The following FLG variants were observed in gnomAD, a reference collection of about 807,000 sequenced individuals.
FLG encodes filaggrin, also known as epidermal filaggrin.
FLG carries 6 observed loss-of-function variants against 3.8 expected under a neutral mutation model. The ratio of observed to expected loss-of-function variants is 1.60; its 90% confidence interval spans 0.87 to 3.15. The LOEUF (loss-of-function observed/expected upper bound fraction) is 3.15. FLG is among the 30% of genes most tolerant of loss of function. The pLI, the probability that FLG is intolerant of heterozygous loss-of-function variation, is 0.00. For synonymous variants in FLG, 2,551 were observed against 1,931.6 expected, an observed-to-expected ratio of 1.32 and a Z score of -8.41; for missense variants, 7,595 against 5,050.9, an observed-to-expected ratio of 1.50 and a Z score of -15.27.
rs774923020 is a variant in FLG at position 152,311,977 on chromosome 1, T to C, written c.2909A>G (p.His970Arg). 3 of 1,614,072 alleles carry C rather than the reference T, an allele frequency of 1.9e-6. No individual in the cohort carries two copies. The highest frequency in any genetic ancestry group is 1.7e-6 in the Non-Finnish European group (2 of 1,180,000). Residue 970 changes from histidine to arginine, a missense_variant, in exon 3 of 3, where the codon CAT becomes CGT. Transcript: ENST00000368799. ...TGACTGCTCCTGAGCAGATCCACGA[T>C]GGTTTCTGGAAGCAGACCCAGACCA... is the stretch of plus-strand genomic sequence containing the variant. ...ERWSGSASRN[H>R]RGSAQEQSRH...
chr1:152,308,210 C>G lies in FLG; in HGVS notation c.6676G>C (p.Gly2226Arg), dbSNP rs1652116582. 6.2e-7 allele frequency: 1 copy of G among 1,613,976 alleles called. No homozygotes were observed. The highest frequency in any genetic ancestry group is 1.3e-5 in the African/African-American group (1 of 74,980). ...CTGGGCCCTGATGATTGTCCCTGGC[C>G]CACCAGTGAGTGTCTAGAGCTGTCG... ...WADSSRHSLV[G>R]QGQSSGPRTS... Residue 2226 changes from glycine to arginine, a missense_variant, in exon 3 of 3, where the codon GGC (glycine) becomes CGC (arginine). Physicochemically the swap from Gly to Arg is moderately radical, Grantham distance 125. Coordinates refer to ENST00000368799, the MANE Select transcript of FLG (RefSeq NM_002016.2).
chr1:152,312,012 G>C lies in FLG; in HGVS notation c.2874C>G (p.Asp958Glu). The change falls in exon 3 of 3, where the codon GAC (aspartate) becomes GAG (glutamate). Residue 958 changes from aspartate (D) to glutamate (E), a missense_variant. Coordinates refer to ENST00000368799, the MANE Select transcript of FLG (RefSeq NM_002016.2). ...QDSDSEGHSE[D>E]SERWSGSASR... ...AAGCAGACCCAGACCACCTCTCAGAGTCTTCTGAATGTCCCTCACTGTCAC... is the reference window on the plus strand; with the variant it reads ...AAGCAGACCCAGACCACCTCTCAGACTCTTCTGAATGTCCCTCACTGTCAC... The C allele has an allele frequency of 6.2e-7, 1 of 1,613,962 alleles. No homozygotes were observed. The highest frequency in any genetic ancestry group is 8.5e-7 in the Non-Finnish European group (1 of 1,179,962).
In FLG at chr1:152,314,098, G is replaced by C. The variant is rs1318917220; in HGVS notation, c.788C>G (p.Ser263Cys). The C allele has an allele frequency of 6.2e-7, 1 of 1,614,162 alleles. No homozygotes were observed. The highest frequency in any genetic ancestry group is 1.3e-5 in the African/African-American group (1 of 75,032). Residue 263 changes from serine to cysteine, a missense_variant, in exon 3 of 3, where the codon TCT (serine) becomes TGT (cysteine). Physicochemically the swap from Ser to Cys is moderately radical, Grantham distance 112. Transcript: ENST00000368799. The part of the protein sequence containing the change: ...ENKIYERSRS[S>C]DGKSSSQVNR... ...CACTTGAGATGATGATTTGCCATCA[G>C]ATGACCTTGATCTTTCATATATTTT...
chr1:152,314,238 A>G lies in FLG; in HGVS notation c.648T>C (p.Asp216=), dbSNP rs760287699. ...GAGTCATTCTTCCTGTATTTTCATAATCATATACTCCTTCTTCATTGTCTT... is the reference window on the plus strand; with the variant it reads ...GAGTCATTCTTCCTGTATTTTCATAGTCATATACTCCTTCTTCATTGTCTT... ...EKEDNEEGVY[D]YENTGRMTQK... The change falls in exon 3 of 3, where the codon GAT becomes GAC. Residue 216 remains aspartate, a synonymous_variant. Coordinates refer to ENST00000368799, the MANE Select transcript of FLG (RefSeq NM_002016.2). 3.1e-6 allele frequency: 5 copies of G among 1,613,518 alleles called. No homozygotes were observed. In the Admixed American group the frequency reaches 5.0e-5, roughly 16 times the overall value.
chr1:152,311,554 G>T lies in FLG; in HGVS notation c.3332C>A (p.Ser1111Tyr). 2 of 1,613,974 alleles carry T rather than the reference G, an allele frequency of 1.2e-6. No homozygotes were observed. The highest frequency in any genetic ancestry group is 1.7e-6 in the Non-Finnish European group (2 of 1,180,008). ...GTAGATGAAAGACCCTGAACGTCCAGACCTTCCCCCTGACCAGTCACGTGC... is the reference window on the plus strand; with the variant it reads ...GTAGATGAAAGACCCTGAACGTCCATACCTTCCCCCTGACCAGTCACGTGC... ...ESARDWSGGR[S>Y]GRSGSFIYQV... The change falls in exon 3 of 3, where the codon TCT becomes TAT. Residue 1111 changes from serine to tyrosine, a missense_variant. Physicochemically the swap from Ser to Tyr is moderately radical, Grantham distance 144. Coordinates refer to ENST00000368799, the MANE Select transcript of FLG (RefSeq NM_002016.2).
chr1:152,303,396 G>C lies in FLG; in HGVS notation c.11490C>G (p.His3830Gln). ...TGTCAGCCTGAGTGGAAGCTTCATG[G>C]TGACGCGACCCTGAGTGCCTGGAGC... Reference protein sequence around the residue: ...GDGSRHSGSRHHEASTQADSS... With the variant: ...GDGSRHSGSRQHEASTQADSS... The change falls in exon 3 of 3, where the codon CAC becomes CAG. Residue 3830 changes from histidine to glutamine, a missense_variant. Physicochemically the swap from His to Gln is conservative, Grantham distance 24. Transcript: ENST00000368799. The C allele has an allele frequency of 6.2e-7, 1 of 1,614,088 alleles. No individual in the cohort carries two copies. Among genetic ancestry groups the C allele is most frequent in the East Asian group, 2.2e-5 (1 of 44,864 alleles).
chr1:152,310,947 T>G lies in FLG; in HGVS notation c.3939A>C (p.Gln1313His), dbSNP rs181147634. Residue 1313 changes from glutamine to histidine, a missense_variant, in exon 3 of 3, where the codon CAA (glutamine) becomes CAC (histidine). Physicochemically the swap from Gln to His is conservative, Grantham distance 24 (BLOSUM62 0). Transcript: ENST00000368799. ...RDGSRHPGFH[Q>H]EDRASHGHSA... ...AGTGCCCGTGACTGGCTCTGTCTTCTTGATGGAACCCAGGGTGTCTGGAGC... is the reference window on the plus strand; with the variant it reads ...AGTGCCCGTGACTGGCTCTGTCTTCGTGATGGAACCCAGGGTGTCTGGAGC... The G allele has an allele frequency of 2.9e-5, 47 of 1,614,018 alleles. 1 individual carries two copies. The Admixed American group carries it at 4.3e-4, about 15-fold the overall frequency.
In FLG at chr1:152,306,340, T is replaced by TA; in HGVS notation, c.8545_8546insT (p.Asp2849ValfsTer12). The TA allele has an allele frequency of 6.2e-7, 1 of 1,602,026 alleles. No individual in the cohort carries two copies. The highest frequency in any genetic ancestry group is 2.2e-5 in the East Asian group (1 of 44,886). ...ACGCGACCCTGAGTGCCTGGAGCCG[T>TA]CTCCTGATTGTTCCTCATTACGTGT... On this transcript the variant is annotated frameshift_variant, in exon 3 of 3. Transcript: ENST00000368799. LOFTEE classifies it low-confidence loss of function (END_TRUNC).
rs1409112557 is a variant in FLG, at chr1:152,308,515, T to C, written c.6371A>G (p.Asp2124Gly). 2.5e-6 allele frequency: 4 copies of C among 1,613,712 alleles called. No homozygotes were observed. The highest frequency in any genetic ancestry group is 2.2e-5 in the East Asian group (1 of 44,862). The change falls in exon 3 of 3, where the codon GAC becomes GGC. Residue 2124 changes from aspartate to glycine, a missense_variant. Transcript: ENST00000368799. ...TTGGGATGCTGAGTGCCTGGAGCTGTCTTGTGCCTGATCATAATGGGATCC... is the reference window on the plus strand; with the variant it reads ...TTGGGATGCTGAGTGCCTGGAGCTGCCTTGTGCCTGATCATAATGGGATCC... ...RQGSHYDQAQDSSRHSASQEG... is the reference protein window; with the variant it reads ...RQGSHYDQAQGSSRHSASQEG...
Position 152,308,192 on chromosome 1 carries a change from C to T in FLG, c.6694G>A (p.Gly2232Arg). ...HSLVGQGQSS[G>R]PRTSRPRGSS... ...CCCCGGGGCCTGCTTGTCCTGGGCCCTGATGATTGTCCCTGGCCCACCAGT... is the reference window on the plus strand; with the variant it reads ...CCCCGGGGCCTGCTTGTCCTGGGCCTTGATGATTGTCCCTGGCCCACCAGT... The change falls in exon 3 of 3, where the codon GGG (glycine) becomes AGG (arginine). Residue 2232 changes from glycine (G) to arginine (R), a missense_variant. Physicochemically the swap from Gly to Arg is moderately radical, Grantham distance 125 (BLOSUM62 -2). Coordinates refer to ENST00000368799, the MANE Select transcript of FLG (RefSeq NM_002016.2). The T allele has an allele frequency of 1.9e-6, 3 of 1,613,980 alleles. No homozygotes were observed. Among genetic ancestry groups the T allele is most frequent in the Non-Finnish European group, 2.5e-6 (3 of 1,179,962 alleles).
At chr1:152,319,563 C>A (rs1489436628) in intron 1 of FLG, among the ~76,000 whole-genome samples, 6 of 151,284 alleles carry the variant, frequency 4.0e-5, no homozygotes, top group Non-Finnish European at 7.4e-5. Flanking sequence ...ACATTTGAGG[C>A]AATGAGGAAA....
intron 1 of FLG, among the ~76,000 whole-genome samples, chr1:152,316,986 C>T (rs534779469): frequency 4.1e-4 from 62 of 152,226 alleles, no homozygotes; most frequent in African/African-American, 1.4e-3. Flanking sequence ...TCCTCATTCT[C>T]CTAATATCTG....
chr1:152,307,391 C>T lies in FLG; in HGVS notation c.7495G>A (p.Gly2499Arg), dbSNP rs1294480067. The T allele has an allele frequency of 1.2e-6, 2 of 1,613,078 alleles. No individual in the cohort carries two copies. Among genetic ancestry groups the T allele is most frequent in the Non-Finnish European group, 1.7e-6 (2 of 1,179,692 alleles). Residue 2499 changes from glycine to arginine, a missense_variant, in exon 3 of 3, where the codon GGA becomes AGA. Physicochemically the swap from Gly to Arg is moderately radical, Grantham distance 125. Coordinates refer to ENST00000368799, the MANE Select transcript of FLG (RefSeq NM_002016.2). ...TGCCCATGGGAGGCATCAGACCTTC[C>T]CTGGGATGTGGTGTGGCTGTGATGA... Reference protein sequence around the residue: ...GSHHSHTTSQGRSDASHGHSG... With the variant: ...GSHHSHTTSQRRSDASHGHSG...
rs1169529445 is a variant in FLG at position 152,303,991 on chromosome 1, T to A, written c.10895A>T (p.Gln3632Leu). The A allele has an allele frequency of 6.2e-7, 1 of 1,612,894 alleles. No homozygotes were observed. The highest frequency in any genetic ancestry group is 2.2e-5 in the East Asian group (1 of 44,608). The change falls in exon 3 of 3, where the codon CAG becomes CTG. Residue 3632 changes from glutamine (Q) to leucine (L), a missense_variant. Coordinates refer to ENST00000368799, the MANE Select transcript of FLG (RefSeq NM_002016.2). ...AGERHGSHHQ[Q>L]SADSSRHSGI... The stretch of plus-strand genomic sequence containing the variant: ...TGAGTGTCTGGAGCTGTCTGCTGAC[T>A]GCTGGTGGTGGGATCCATGTCTCTC...
Position 152,309,739 on chromosome 1 carries a change from C to T in FLG, c.5147G>A (p.Gly1716Asp), listed in dbSNP as rs776208400. Reference sequence around the variant, plus strand: ...TCCCTCGCTGTCACTGGCCTGGCTACCACTGGACCCTCGGTTTCCACTGTC... The same window carrying T: ...TCCCTCGCTGTCACTGGCCTGGCTATCACTGGACCCTCGGTTTCCACTGTC... ...VGDSGNRGSS[G>D]SQASDSEGHS... is the part of the protein sequence containing the mutation. The change falls in exon 3 of 3, where the codon GGT (glycine) becomes GAT (aspartate). Residue 1716 changes from glycine (G) to aspartate (D), a missense_variant. By Grantham distance (94) the Gly-to-Asp change is moderately conservative. Transcript: ENST00000368799. The T allele has an allele frequency of 6.2e-7, 1 of 1,613,832 alleles. No homozygotes were observed. Among genetic ancestry groups the T allele is most frequent in the Non-Finnish European group, 8.5e-7 (1 of 1,179,956 alleles).
chr1:152,302,815 T>C lies in FLG; in HGVS notation c.12071A>G (p.His4024Arg). The C allele has an allele frequency of 4.3e-6, 7 of 1,614,234 alleles. No individual in the cohort carries two copies. Among genetic ancestry groups the C allele is most frequent in the Non-Finnish European group, 5.9e-6 (7 of 1,180,036 alleles). Residue 4024 changes from histidine (H) to arginine (R), a missense_variant, in exon 3 of 3, where the codon CAT (histidine) becomes CGT (arginine). His to Arg is a conservative substitution (Grantham distance 29). Transcript: ENST00000368799. ...AATATACGTTGCATAATACCTTGGA[T>C]GATCTTTACCAAACGCACTTGCTTT... ...ICKASAFGKDHPRYYATYINK... is the reference protein window; with the variant it reads ...ICKASAFGKDRPRYYATYINK...
chr1:152,322,289 G>T (rs954064010), intron 1 of FLG, among the ~76,000 whole-genome samples: 8 of 150,840 alleles, frequency 5.3e-5, no homozygotes, highest in Non-Finnish European at 1.2e-4. Context: ...TTAGGAAAAG[G>T]AATTAAAAGC....
rs1164337055 is a variant in FLG, at chr1:152,305,505, C to T, written c.9381G>A (p.Glu3127=). Residue 3127 remains glutamate, a synonymous_variant, in exon 3 of 3, where the codon GAG becomes GAA. Coordinates refer to ENST00000368799, the MANE Select transcript of FLG (RefSeq NM_002016.2). ...SRGGRQGYHH[E]HSVDSSGHSG... ...AGTGTCCAGAGCTATCTACCGAATG[C>T]TCGTGGTGGTACCCCTGCCTTCCTC... 1 of 1,566,798 alleles carries T rather than the reference C, an allele frequency of 6.4e-7. No individual in the cohort carries two copies. The highest frequency in any genetic ancestry group is 8.6e-7 in the Non-Finnish European group (1 of 1,163,582).
At position 152,307,514 on chromosome 1, in the gene FLG, C is replaced by T. The variant is rs746389875; in HGVS notation, c.7372G>A (p.Gly2458Ser). 2 of 1,613,170 alleles carry T rather than the reference C, an allele frequency of 1.2e-6. No individual in the cohort carries two copies. Among genetic ancestry groups the T allele is most frequent in the Non-Finnish European group, 8.5e-7 (1 of 1,179,736 alleles). ...GGGTGTCCATGAATGGTGTCCTGAC[C>T]CTCTTGGGACGTTGAGTGCCTGGAG... ...DSSRHSTSQE[G>S]QDTIHGHPGS... The change falls in exon 3 of 3, where the codon GGT becomes AGT. Residue 2458 changes from glycine (G) to serine (S), a missense_variant. Gly to Ser is a moderately conservative substitution (Grantham distance 56). Coordinates refer to ENST00000368799, the MANE Select transcript of FLG (RefSeq NM_002016.2).
Sources: allele counts gnomAD v4.1 joint callset (sites outside exome capture counted in the v4.1 genomes callset), GRCh38; gene constraint gnomAD v4.1.1; transcripts MANE v1.5; gene names NCBI Gene and HGNC (gene_info 2026-07-23, HGNC 2026-07-21).